The following PLEKHG1 variants were observed in gnomAD, a reference collection of about 807,000 sequenced individuals.
PLEKHG1 encodes pleckstrin homology and RhoGEF domain containing G1.
PLEKHG1 carries 44 observed loss-of-function variants against 100.8 expected under a neutral mutation model. That is an observed-to-expected ratio of 0.44 (90% CI 0.34 to 0.56). PLEKHG1 has a LOEUF of 0.56. Ranked by LOEUF, PLEKHG1 falls within the 20% of genes least tolerant of loss-of-function variation. The pLI is 0.01. For missense variants in PLEKHG1, 1,545 were observed against 1,720.9 expected (o/e 0.90, Z 1.81); for synonymous variants, 640 against 662.5 (o/e 0.97, Z 0.52).
At chr6:150,627,717 A>G (rs1170271775) in intron 1 of PLEKHG1, among the ~76,000 whole-genome samples, 3 of 152,216 alleles carry the variant, frequency 2.0e-5, no homozygotes, top group Admixed American at 1.3e-4. Flanking sequence ...AGTATAATAA[A>G]ACTGGATATA....
At chr6:150,804,711 G>A (rs1287877042) in exon 7 of PLEKHG1, 1 of 1,613,768 alleles carries the variant, frequency 6.2e-7, no homozygotes, top group African/African-American at 1.3e-5. Context: ...ATGACATGAA[G>A]CGGAAACACG....
chr6:150,705,498 C>T (rs753451038), intron 3 of PLEKHG1, among the ~76,000 whole-genome samples: 6 of 152,248 alleles, frequency 3.9e-5, no homozygotes, highest in Non-Finnish European at 7.3e-5. Context: ...GCCACCACTG[C>T]CCACGCACAG....
chr6:150,840,054 A>T (rs1241343240), exon 16 of PLEKHG1: 2 of 1,614,060 alleles, frequency 1.2e-6, no homozygotes, highest in East Asian at 2.2e-5. Flanking sequence ...GCAAGACTTG[A>T]GGTCAAGATA....
At chr6:150,786,681 C>T (rs778636805) in intron 4 of PLEKHG1, among the ~76,000 whole-genome samples, 2 of 151,988 alleles carry the variant, frequency 1.3e-5, no homozygotes, top group Non-Finnish European at 2.9e-5. Flanking sequence ...AATAATGTTA[C>T]TCTTTGCTGG....
intron 2 of PLEKHG1, among the ~76,000 whole-genome samples, chr6:150,738,812 G>A (rs1322288275): frequency 6.6e-6 from 1 of 152,152 alleles, no homozygotes; most frequent in Non-Finnish European, 1.5e-5. Flanking sequence ...CGTAGTCAAA[G>A]GAACAATGGA....
At chr6:150,726,089 G>C (rs1210306131) in intron 1 of PLEKHG1, among the ~76,000 whole-genome samples, 2 of 152,156 alleles carry the variant, frequency 1.3e-5, no homozygotes, top group Non-Finnish European at 2.9e-5. Context: ...GAAAAGACTA[G>C]AGTGGTGCTT....
At chr6:150,837,562 A>G (rs1204582430) in intron 15 of PLEKHG1, among the ~76,000 whole-genome samples, 1 of 152,252 alleles carries the variant, frequency 6.6e-6, no homozygotes, top group Non-Finnish European at 1.5e-5. Flanking sequence ...ACATTTTCCA[A>G]AATTGTCATC....
chr6:150,631,010 A>G (rs939971880), intron 1 of PLEKHG1, among the ~76,000 whole-genome samples: 2 of 152,256 alleles, frequency 1.3e-5, no homozygotes, highest in South Asian at 2.1e-4. Flanking sequence ...GTTTCGATGG[A>G]GTGGAGGGGG....
At chr6:150,842,812 C>T (rs536033608) in exon 16 of PLEKHG1, 38 of 152,316 alleles carry the variant, frequency 2.5e-4, no homozygotes, top group African/African-American at 8.9e-4. Context: ...CTCCCCGGTT[C>T]CAGCGATTCT....
At chr6:150,754,047 A>G (rs1783680771) in intron 2 of PLEKHG1, among the ~76,000 whole-genome samples, 1 of 152,242 alleles carries the variant, frequency 6.6e-6, no homozygotes, top group Non-Finnish European at 1.5e-5. Flanking sequence ...AGAAGGAATG[A>G]CAAAGATATT....
rs1314856871 is a variant in PLEKHG1 at position 150,662,879 on chromosome 6, A to G, written c.-99+12093A>G. On this transcript the variant is annotated intron_variant, in intron 3 of 3. Transcript: ENST00000367326. ...CAAGTGTCAACTATGTATTTTTTAG[A>G]CAAAAAATTTGAAAGCTTTTTATGT... 10 of 152,206 alleles carry G rather than the reference A, an allele frequency of 6.6e-5. No homozygotes were observed. In the East Asian group the frequency reaches 1.9e-3, roughly 29 times the overall value. 9.4% of individuals were successfully genotyped at this position (152,206 alleles called of 1,614,324 possible). A position where few individuals can be genotyped will look rare whatever the true frequency, so the allele number is the denominator to read the frequency against.
chr6:150,743,793 T>G (rs2128624146), intron 2 of PLEKHG1, among the ~76,000 whole-genome samples: 1 of 152,140 alleles, frequency 6.6e-6, no homozygotes, highest in Non-Finnish European at 1.5e-5. Context: ...GACCTGCCAG[T>G]AGGGCTCTGT....
chr6:150,842,285 G>A (rs893115522), exon 16 of PLEKHG1: 1 of 152,188 alleles, frequency 6.6e-6, no homozygotes, highest in Non-Finnish European at 1.5e-5. Context: ...TTAATCAGGT[G>A]TACATTCTAT....
At chr6:150,712,422 T>C (rs577874148) in intron 3 of PLEKHG1, among the ~76,000 whole-genome samples, 1 of 152,330 alleles carries the variant, frequency 6.6e-6, no homozygotes. Flanking sequence ...TCTTATATTT[T>C]AACCACACAA....
intron 2 of PLEKHG1, among the ~76,000 whole-genome samples, chr6:150,754,932 A>T (rs925712211): frequency 6.6e-6 from 1 of 152,062 alleles, no homozygotes; most frequent in Non-Finnish European, 1.5e-5. Context: ...GGCCTCCCAA[A>T]GTGCTGAGAT....
At chr6:150,791,764 G>A (rs1023667850) in intron 4 of PLEKHG1, among the ~76,000 whole-genome samples, 17 of 150,950 alleles carry the variant, frequency 1.1e-4, no homozygotes. Flanking sequence ...CATAATTATA[G>A]AACAAAACTA....
intron 3 of PLEKHG1, among the ~76,000 whole-genome samples, chr6:150,709,777 G>C (rs1344436256): frequency 6.6e-6 from 1 of 152,040 alleles, no homozygotes; most frequent in Non-Finnish European, 1.5e-5. Context: ...TTTGGGGATG[G>C]TGTTTTCGTT....
intron 2 of PLEKHG1, among the ~76,000 whole-genome samples, chr6:150,764,058 C>T (rs1200233856): frequency 6.6e-6 from 1 of 152,112 alleles, no homozygotes; most frequent in Non-Finnish European, 1.5e-5. Flanking sequence ...CTGTCTGCTG[C>T]ATGCATCACC....
At chr6:150,721,899 A>G (rs6920957) in intron 1 of PLEKHG1, among the ~76,000 whole-genome samples, 90,642 of 151,972 alleles carry the variant, frequency 0.6, 29,034 homozygotes, top group Non-Finnish European at 0.73. Flanking sequence ...CACATATTGA[A>G]TATAAAAATT....
Sources: allele counts gnomAD v4.1 joint callset (sites outside exome capture counted in the v4.1 genomes callset), GRCh38; gene constraint gnomAD v4.1.1; transcripts MANE v1.5; gene names NCBI Gene and HGNC (gene_info 2026-07-23, HGNC 2026-07-21).